The following NFIB variants were observed in gnomAD, a reference collection of about 807,000 sequenced individuals.
NFIB encodes the protein nuclear factor I B.
In NFIB, 11 loss-of-function variants were observed where a neutral mutation model predicts 61.5. The ratio of observed to expected loss-of-function variants is 0.18; its 90% CI spans 0.11 to 0.30. NFIB has a LOEUF of 0.30. Ranked by LOEUF, NFIB falls within the 10% of genes least tolerant of loss-of-function variation. The pLI, the probability that NFIB is intolerant of heterozygous loss-of-function variation, is 1.00. For missense variants in NFIB, 471 were observed against 608.9 expected, an observed-to-expected ratio of 0.77 and a Z score of 2.38; for synonymous variants, 260 against 216.5, an observed-to-expected ratio of 1.20 and a Z score of -1.76.
the NFIB span, among the ~76,000 whole-genome samples, chr9:14,418,842 A>G: frequency 1.3e-5 from 2 of 152,192 alleles, no homozygotes; most frequent in Admixed American, 1.3e-4. Context: ...TTAACTAAAA[A>G]TGGTATATGC....
At chr9:14,088,356 G>C in intron 10 of NFIB, 30 bp from the exon 11 acceptor site, 1 of 1,463,840 alleles carries the variant, frequency 6.8e-7, no homozygotes, top group Non-Finnish European at 9.1e-7. Flanking sequence ...AGCAGGGAGG[G>C]AAGAAAAAAG....
At chr9:14,419,890 A>G in the NFIB span, among the ~76,000 whole-genome samples, 1 of 152,218 alleles carries the variant, frequency 6.6e-6, no homozygotes, top group Non-Finnish European at 1.5e-5. Context: ...TGAATAGACC[A>G]AAAAGTATAG....
intron 6 of NFIB, among the ~76,000 whole-genome samples, chr9:14,128,303 T>A (rs77020913): frequency 0.022 from 3,350 of 152,310 alleles, 125 homozygotes; most frequent in African/African-American, 0.075. Flanking sequence ...CTCTTCTGCT[T>A]TACCTATGTT....
At chr9:14,134,913 A>AAAAAAAAAAAAAAAAG (rs1011872669) in intron 6 of NFIB, among the ~76,000 whole-genome samples, 3 of 133,320 alleles carry the variant, frequency 2.3e-5, no homozygotes, top group East Asian at 2.2e-4. Flanking sequence ...AAAAAAAAAA[A>AAAAAAAAAAAAAAAAG]AAAAAAAGGA....
intron 1 of NFIB, among the ~76,000 whole-genome samples, chr9:14,336,073 T>C (rs1020556692): frequency 3.2e-4 from 48 of 152,352 alleles, no homozygotes; most frequent in Non-Finnish European, 1.2e-4. Flanking sequence ...GTTACCATTG[T>C]GTCGTTATAA....
At chr9:14,108,550 A>G (rs1021261881) in intron 10 of NFIB, among the ~76,000 whole-genome samples, 4 of 152,116 alleles carry the variant, frequency 2.6e-5, no homozygotes, top group Admixed American at 1.3e-4. Context: ...TATACACTAG[A>G]CCAGTAATTG....
the NFIB span, among the ~76,000 whole-genome samples, chr9:14,436,736 C>T: frequency 1.1e-4 from 16 of 152,276 alleles, no homozygotes; most frequent in African/African-American, 3.8e-4. Flanking sequence ...TCAATAGTGA[C>T]ATTATTATCA....
chr9:14,259,464 T>C (rs1402658342), intron 2 of NFIB, among the ~76,000 whole-genome samples: 2 of 152,214 alleles, frequency 1.3e-5, no homozygotes, highest in Non-Finnish European at 2.9e-5. Flanking sequence ...TGGATTCTAC[T>C]TGAGCAAAAG....
intron 2 of NFIB, among the ~76,000 whole-genome samples, chr9:14,191,384 G>C (rs995663818): frequency 4.0e-5 from 6 of 151,784 alleles, no homozygotes; most frequent in African/African-American, 1.5e-4. Flanking sequence ...GAATAATAAA[G>C]AATAACAGAA....
chr9:14,112,695 G>C (rs1476167887), intron 10 of NFIB, among the ~76,000 whole-genome samples: 1 of 152,158 alleles, frequency 6.6e-6, no homozygotes, highest in Non-Finnish European at 1.5e-5. Flanking sequence ...GAAAGCTATA[G>C]TCTGTAAGTT....
chr9:14,106,328 C>T (rs1447427166), intron 10 of NFIB, among the ~76,000 whole-genome samples: 1 of 152,110 alleles, frequency 6.6e-6, no homozygotes, highest in East Asian at 1.9e-4. Flanking sequence ...TTTATATGCA[C>T]ATACCAATAT....
intron 2 of NFIB, among the ~76,000 whole-genome samples, chr9:14,289,938 T>C (rs1319099036): frequency 6.6e-6 from 1 of 152,028 alleles, no homozygotes; most frequent in Non-Finnish European, 1.5e-5. Context: ...CTTAGTTCCT[T>C]GCATAAATAA....
At chr9:14,522,084 C>A in the NFIB span, among the ~76,000 whole-genome samples, 2 of 152,182 alleles carry the variant, frequency 1.3e-5, no homozygotes, top group African/African-American at 4.8e-5. Context: ...TATGGCTGGC[C>A]TGCCTGGTCT....
chr9:14,341,074 C>T (rs2060943863), intron 1 of NFIB, among the ~76,000 whole-genome samples: 1 of 152,206 alleles, frequency 6.6e-6, no homozygotes, highest in African/African-American at 2.4e-5. Flanking sequence ...TAAAGAAACA[C>T]AGTCTCCAGC....
At chr9:14,531,588 C>A in the NFIB span, among the ~76,000 whole-genome samples, 2 of 151,606 alleles carry the variant, frequency 1.3e-5, no homozygotes, top group African/African-American at 2.4e-5. Context: ...AATGCAAGAA[C>A]AATTAGCCAA....
chr9:14,315,176 G>T (rs1275104635), upstream of NFIB, among the ~76,000 whole-genome samples: 1 of 151,714 alleles, frequency 6.6e-6, no homozygotes, highest in African/African-American at 2.4e-5. Flanking sequence ...AGCCCCCGAC[G>T]GCCCCGCCCG....
At chr9:14,150,119 A>G in intron 5 of NFIB, 26 bp downstream of exon 5, 1 of 1,612,790 alleles carries the variant, frequency 6.2e-7, no homozygotes. Context: ...ATCACTTGAG[A>G]ATATGAGCAG....
chr9:14,146,800 G>A lies in NFIB; in HGVS notation c.814C>T (p.Pro272Ser). 2 of 1,604,052 alleles carry A rather than the reference G, an allele frequency of 1.2e-6. No individual in the cohort carries two copies. The highest frequency in any genetic ancestry group is 8.5e-7 in the Non-Finnish European group (1 of 1,177,552). Residue 272 changes from proline (P) to serine (S), a missense_variant, in exon 6 of 11, where the codon CCC becomes TCC. Around this residue, in one of 2 missense-constraint regions of NFIB, gnomAD observed 372 missense variants for 395.6 expected, o/e 0.94. Transcript: ENST00000380953. ...SLSSPPSSKRPKTISIDENME... is the reference protein window; with the variant it reads ...SLSSPPSSKRSKTISIDENME... ...TTTTCATCTATGGATATAGTTTTGGGTCTTTTGCTGTTAAAATATGGCAAT... is the reference window on the plus strand; with the variant it reads ...TTTTCATCTATGGATATAGTTTTGGATCTTTTGCTGTTAAAATATGGCAAT...
intron 3 of NFIB, among the ~76,000 whole-genome samples, chr9:14,164,931 T>C (rs1166129075): frequency 6.6e-6 from 1 of 152,174 alleles, no homozygotes; most frequent in African/African-American, 2.4e-5. Context: ...TGGGAATCAC[T>C]ATGACACCAC....
Sources: gnomAD v4.1 joint callset for allele counts (sites outside exome capture counted in the v4.1 genomes callset) on GRCh38, gnomAD v4.1.1 for gene constraint, gnomAD v4.1.1 regional missense constraint, MANE v1.5 for transcripts, NCBI Gene and HGNC (gene_info 2026-07-23, HGNC 2026-07-21) for gene names.